The following PPP4R2 variants were observed in gnomAD, a reference collection of about 807,000 sequenced individuals.
PPP4R2 encodes the protein serine/threonine-protein phosphatase 4 regulatory subunit 2.
In PPP4R2, 13 loss-of-function variants were observed where a neutral mutation model predicts 47.2. The observed-to-expected ratio is 0.28, with a 90% confidence interval of 0.18 to 0.44. The LOEUF (loss-of-function observed/expected upper bound fraction) is 0.44, where lower values mean the gene tolerates loss of function less well. PPP4R2 is among the 20% of genes least tolerant of loss of function. The probability of loss-of-function intolerance (pLI) is 1.00; values close to 1 mark genes in which losing one functional copy is unlikely to be tolerated. For missense variants in PPP4R2, 421 were observed against 491.2 expected (o/e 0.86, Z 1.35); for synonymous variants, 151 against 163.3 (o/e 0.92, Z 0.57).
chr3:73,043,917 C>G (rs1387939452), intron 2 of PPP4R2, among the ~76,000 whole-genome samples: 1 of 152,204 alleles, frequency 6.6e-6, no homozygotes, highest in Non-Finnish European at 1.5e-5. Context: ...AGTCCCTTCA[C>G]CTTCCTCCCC....
intron 2 of PPP4R2, among the ~76,000 whole-genome samples, chr3:73,044,893 C>G (rs1311792057): frequency 2.6e-5 from 4 of 152,202 alleles, no homozygotes; most frequent in Admixed American, 1.3e-4. Flanking sequence ...TCTCCCATTT[C>G]ACGATTTGAC....
intron 2 of PPP4R2, among the ~76,000 whole-genome samples, chr3:73,045,927 T>C (rs2035811): frequency 0.53 from 80,318 of 152,064 alleles, 21,589 homozygotes; most frequent in African/African-American, 0.62. Context: ...TTTGAGAATC[T>C]CATACCTCTT....
chr3:73,023,157 T>C (rs1447225067), intron 2 of PPP4R2, among the ~76,000 whole-genome samples: 1 of 150,020 alleles, frequency 6.7e-6, no homozygotes, highest in East Asian at 1.9e-4. Context: ...GGAATCATTA[T>C]GGAGTGAGGT....
At chr3:73,048,704 GTTAGAA>G (rs1034995935) in intron 3 of PPP4R2, among the ~76,000 whole-genome samples, 37 of 152,238 alleles carry the variant, frequency 2.4e-4, no homozygotes, top group African/African-American at 4.8e-4. Context: ...TGAATTCATA[GTTAGAA>G]TTAGATAGTA....
rs765320097 is a variant in PPP4R2, at chr3:73,064,119, T to G, written c.611T>G (p.Leu204Trp). The G allele has an allele frequency of 1.9e-6, 3 of 1,610,350 alleles. No individual in the cohort carries two copies. The highest frequency in any genetic ancestry group is 2.5e-6 in the Non-Finnish European group (3 of 1,179,124). The change falls in exon 7 of 9, where the codon TTG becomes TGG. Residue 204 changes from leucine to tryptophan, a missense_variant. Leu to Trp is a moderately conservative substitution (Grantham distance 61, BLOSUM62 -2). This residue lies in a region of PPP4R2 where 317 missense variants were observed against 287.5 expected (regional missense o/e 1.10). Transcript: ENST00000356692. ...PESTDSKEAN[L>W]QQNEEKNHSD... is the part of the protein sequence containing the mutation. ...AGCACAGACAGCAAAGAGGCAAATT[T>G]GCAGCAAAATGAGGAGAAAAATCAC...
At chr3:73,020,126 C>G (rs1701928887) in intron 2 of PPP4R2, among the ~76,000 whole-genome samples, 1 of 152,178 alleles carries the variant, frequency 6.6e-6, no homozygotes, top group Admixed American at 6.5e-5. Context: ...GTTTTGGAGG[C>G]TGGCAGTCTA....
chr3:73,011,893 T>C (rs1701732425), intron 2 of PPP4R2, among the ~76,000 whole-genome samples: 1 of 152,184 alleles, frequency 6.6e-6, no homozygotes, highest in Admixed American at 6.5e-5. Flanking sequence ...ATATTCCCAT[T>C]TGTAGGTGAT....
At position 73,065,503 on chromosome 3, in the gene PPP4R2, A is replaced by G. The variant is rs1357824031; in HGVS notation, c.1035A>G (p.Gln345=). 6.2e-7 allele frequency: 1 copy of G among 1,611,750 alleles called. No individual in the cohort carries two copies. Among genetic ancestry groups the G allele is most frequent in the East Asian group, 2.2e-5 (1 of 44,868 alleles). The change falls in exon 9 of 9, where the codon CAA becomes CAG. Residue 345 remains glutamine (Q), a synonymous_variant. Coordinates refer to ENST00000356692, the MANE Select transcript of PPP4R2 (RefSeq NM_174907.4). Reference sequence around the variant, plus strand: ...AAGAGACTTCTGAGGAAAATAATCAAATGGAGGAATCTGATGTGTCTCAAG... The same window carrying G: ...AAGAGACTTCTGAGGAAAATAATCAGATGGAGGAATCTGATGTGTCTCAAG... The part of the protein sequence containing the change: ...VNEETSEENN[Q]MEESDVSQAE...
chr3:73,012,613 T>C (rs1701748451), intron 2 of PPP4R2, among the ~76,000 whole-genome samples: 1 of 152,152 alleles, frequency 6.6e-6, no homozygotes, highest in Non-Finnish European at 1.5e-5. Flanking sequence ...TTCTCAAATA[T>C]TTTCAATCTG....
At chr3:73,047,095 T>C in intron 2 of PPP4R2, 91 bp from the exon 3 acceptor site, 1 of 707,924 alleles carries the variant, frequency 1.4e-6, no homozygotes, top group Non-Finnish European at 2.3e-6. Context: ...TTTGTTAGTA[T>C]TAGTGTCATA....
chr3:73,062,632 G>A (rs756862575), intron 5 of PPP4R2: 21 of 1,613,836 alleles, frequency 1.3e-5, no homozygotes, highest in Non-Finnish European at 1.6e-5. Flanking sequence ...TCAGTTCTCC[G>A]CCACTGCTGT....
rs1336412266 is a variant in PPP4R2, at chr3:73,066,293, G to C, written c.*571G>C. The C allele has an allele frequency of 2.1e-5, 3 of 145,264 alleles. No homozygotes were observed. Among genetic ancestry groups the C allele is most frequent in the African/African-American group, 7.6e-5 (3 of 39,436 alleles). 9.0% of individuals were successfully genotyped at this position (145,264 alleles called of 1,614,324 possible). On this transcript the variant is annotated 3_prime_UTR_variant, in exon 9 of 9. Transcript: ENST00000356692. Reference sequence around the variant, plus strand: ...AAGGGGGGAAATGTTATATTTTTCTGTTTCTATAAGAGATGAATACAGTGG... The same window carrying C: ...AAGGGGGGAAATGTTATATTTTTCTCTTTCTATAAGAGATGAATACAGTGG...
intron 2 of PPP4R2, among the ~76,000 whole-genome samples, chr3:73,045,408 A>T (rs1282488424): frequency 6.6e-6 from 1 of 152,078 alleles, no homozygotes; most frequent in Non-Finnish European, 1.5e-5. Flanking sequence ...CCAGACTTTT[A>T]GTTTTTTGCT....
At chr3:73,045,155 A>G (rs1702456424) in intron 2 of PPP4R2, among the ~76,000 whole-genome samples, 1 of 152,006 alleles carries the variant, frequency 6.6e-6, no homozygotes, top group Non-Finnish European at 1.5e-5. Flanking sequence ...CACCATGCCT[A>G]ATTTAAATTA....
At chr3:73,004,402 A>G (rs565316337) in intron 2 of PPP4R2, among the ~76,000 whole-genome samples, 3 of 152,072 alleles carry the variant, frequency 2.0e-5, no homozygotes, top group East Asian at 1.9e-4. Context: ...CACATTTTCT[A>G]TCCTTGAGTG....
At chr3:73,004,883 T>TTG (rs1286817138) in intron 2 of PPP4R2, among the ~76,000 whole-genome samples, 1 of 125,838 alleles carries the variant, frequency 7.9e-6, no homozygotes, top group Non-Finnish European at 1.6e-5. Context: ...GTTTGTTTGT[T>TTG]TGTGTGTGTG....
At chr3:73,029,233 G>A (rs1477383765) in intron 2 of PPP4R2, among the ~76,000 whole-genome samples, 1 of 152,188 alleles carries the variant, frequency 6.6e-6, no homozygotes, top group Non-Finnish European at 1.5e-5. Flanking sequence ...GAGCCACTTC[G>A]CCTGGCTAGT....
chr3:73,041,927 A>G (rs573415653), intron 2 of PPP4R2, among the ~76,000 whole-genome samples: 23 of 152,348 alleles, frequency 1.5e-4, no homozygotes, highest in African/African-American at 5.3e-4. Flanking sequence ...CTATGGAGAA[A>G]AAAGGTCAAT....
At chr3:73,023,038 A>T (rs969424376) in intron 2 of PPP4R2, among the ~76,000 whole-genome samples, 1 of 152,170 alleles carries the variant, frequency 6.6e-6, no homozygotes, top group Non-Finnish European at 1.5e-5. Flanking sequence ...TCAGAAGTTC[A>T]GATCATTATG....
Sources: allele counts gnomAD v4.1 joint callset (sites outside exome capture counted in the v4.1 genomes callset), GRCh38; gene constraint gnomAD v4.1.1; regional missense constraint gnomAD v4.1.1; transcripts MANE v1.5; gene names NCBI Gene and HGNC (gene_info 2026-07-23, HGNC 2026-07-21).